Variants in DHRSX observed in about 807,000 individuals in gnomAD.
DHRSX encodes the protein polyprenol dehydrogenase.
A neutral mutation model predicts 34.0 loss-of-function variants in DHRSX; 31 were observed. That is an observed-to-expected ratio of 0.91 (90% CI 0.69 to 1.23). The LOEUF (loss-of-function observed/expected upper bound fraction) is 1.23, where lower values mean the gene tolerates loss of function less well. DHRSX is among the 50% of genes most tolerant of loss of function. DHRSX has a pLI of 0.00. For synonymous variants in DHRSX, 201 were observed against 183.8 expected (o/e 1.09, Z -0.76); for missense variants, 414 against 428.1 (o/e 0.97, Z 0.29).
chrX:2,232,837 G>C (rs1162198401), intron 6 of DHRSX, among the ~76,000 whole-genome samples: 3 of 152,026 alleles, frequency 2.0e-5, no homozygotes, highest in African/African-American at 4.8e-5. Flanking sequence ...CTCCAAAAGT[G>C]CTGAGATTAC....
chrX:2,498,747 G>A (rs1466142673), intron 1 of DHRSX, among the ~76,000 whole-genome samples: 1 of 152,048 alleles, frequency 6.6e-6, no homozygotes, highest in East Asian at 1.9e-4. Flanking sequence ...GGCCCACACA[G>A]GCCCTTAAGG....
chrX:2,342,203 T>C (rs1178007402), intron 3 of DHRSX, among the ~76,000 whole-genome samples: 1 of 152,166 alleles, frequency 6.6e-6, no homozygotes, highest in Non-Finnish European at 1.5e-5. Flanking sequence ...CAGAGATGCC[T>C]ATCTGTCGGC....
chrX:2,224,742 A>G (rs1449253046), intron 6 of DHRSX, among the ~76,000 whole-genome samples: 3 of 152,110 alleles, frequency 2.0e-5, no homozygotes, highest in Admixed American at 6.6e-5. Context: ...GCACACACAC[A>G]TGCACACTTA....
chrX:2,402,026 G>A (rs971415150), intron 3 of DHRSX, among the ~76,000 whole-genome samples: 39 of 152,162 alleles, frequency 2.6e-4, no homozygotes, highest in Non-Finnish European at 4.1e-4. Context: ...AACAAAGTAC[G>A]CAGGCCAGAG....
At chrX:2,391,506 T>G (rs1488811969) in intron 3 of DHRSX, among the ~76,000 whole-genome samples, 2 of 151,932 alleles carry the variant, frequency 1.3e-5, no homozygotes, top group African/African-American at 2.4e-5. Flanking sequence ...GGCAGGGGAC[T>G]GGGGGAAAAA....
At chrX:2,291,695 T>C (rs1276443403) in intron 3 of DHRSX, 92 bp from the exon 4 acceptor site, 3 of 924,546 alleles carry the variant, frequency 3.2e-6, no homozygotes, top group Admixed American at 3.9e-5. Flanking sequence ...CTCAATTTCA[T>C]CTAGGAAGTA....
intron 3 of DHRSX, among the ~76,000 whole-genome samples, chrX:2,294,126 A>G (rs2041901145): frequency 6.6e-6 from 1 of 152,022 alleles, no homozygotes; most frequent in African/African-American, 2.4e-5. Context: ...GGGGGAGGAA[A>G]AGGGGAAGAG....
At chrX:2,438,909 G>A (rs1293391710) in intron 1 of DHRSX, among the ~76,000 whole-genome samples, 4 of 152,066 alleles carry the variant, frequency 2.6e-5, no homozygotes, top group Admixed American at 2.0e-4. Context: ...CACTTTGAGA[G>A]GCCGAGGTGG....
At chrX:2,231,570 T>C (rs1468345281) in intron 6 of DHRSX, among the ~76,000 whole-genome samples, 2 of 150,016 alleles carry the variant, frequency 1.3e-5, no homozygotes, top group African/African-American at 5.0e-5. Flanking sequence ...TTCTCTCTTC[T>C]TCCTCCTCCA....
chrX:2,426,541 C>T (rs1318293639), intron 1 of DHRSX, among the ~76,000 whole-genome samples: 2 of 143,948 alleles, frequency 1.4e-5, no homozygotes, highest in African/African-American at 5.1e-5. Flanking sequence ...CTTCCTCCTT[C>T]CTTCTTTCCT....
chrX:2,347,328 G>A (rs111399120), intron 3 of DHRSX, among the ~76,000 whole-genome samples: 7,894 of 152,202 alleles, frequency 0.052, 706 homozygotes, highest in African/African-American at 0.18. Flanking sequence ...CATGAGAACA[G>A]CAGGGCAAAG....
chrX:2,230,078 T>C (rs1223595780), intron 6 of DHRSX, among the ~76,000 whole-genome samples: 1 of 152,188 alleles, frequency 6.6e-6, no homozygotes, highest in Non-Finnish European at 1.5e-5. Flanking sequence ...TGCACGTGTA[T>C]ATGTGCATGT....
At chrX:2,308,772 GAGGGA>G (rs1283504782) in intron 3 of DHRSX, among the ~76,000 whole-genome samples, 1 of 147,244 alleles carries the variant, frequency 6.8e-6, no homozygotes, top group Non-Finnish European at 1.5e-5. Flanking sequence ...TGGGTGGAAA[GAGGGA>G]AGGGGAGGGG....
intron 3 of DHRSX, among the ~76,000 whole-genome samples, chrX:2,320,487 G>A (rs2042296752): frequency 6.9e-6 from 1 of 144,920 alleles, no homozygotes; most frequent in Non-Finnish European, 1.5e-5. Flanking sequence ...GTGGAGGCGG[G>A]GTTTCGCCAT....
chrX:2,408,472 G>C (rs2043586382), intron 3 of DHRSX, among the ~76,000 whole-genome samples: 1 of 152,060 alleles, frequency 6.6e-6, no homozygotes, highest in African/African-American at 2.4e-5. Flanking sequence ...GTTCCCTGGG[G>C]AACACACATT....
At chrX:2,397,462 G>A (rs2043426141) in intron 3 of DHRSX, among the ~76,000 whole-genome samples, 1 of 152,038 alleles carries the variant, frequency 6.6e-6, no homozygotes, top group South Asian at 2.1e-4. Flanking sequence ...GAGACACGGT[G>A]GGAAAGAAAC....
intron 1 of DHRSX, among the ~76,000 whole-genome samples, chrX:2,465,050 T>G (rs1270610022): frequency 6.6e-6 from 1 of 151,676 alleles, no homozygotes; most frequent in Non-Finnish European, 1.5e-5. Context: ...ACCGAAGACG[T>G]TCCCTAGGCA....
At chrX:2,232,355 G>T (rs67065634) in intron 6 of DHRSX, among the ~76,000 whole-genome samples, 1 of 151,968 alleles carries the variant, frequency 6.6e-6, no homozygotes, top group African/African-American at 2.4e-5. Context: ...TAAAGCAACA[G>T]AACTTCCTTT....
chrX:2,243,797 T>TG (rs1569478869), intron 5 of DHRSX, among the ~76,000 whole-genome samples: 999 of 67,136 alleles, frequency 0.015, 22 homozygotes, highest in African/African-American at 0.03. Context: ...TGTTTTTTTT[T>TG]TTTTTTTTTT....
Sources: allele counts gnomAD v4.1 joint callset (sites outside exome capture counted in the v4.1 genomes callset), GRCh38; gene constraint gnomAD v4.1.1; transcripts MANE v1.5; gene names NCBI Gene and HGNC (gene_info 2026-07-23, HGNC 2026-07-21).